The following STYXL1 variants were observed in gnomAD, a reference collection of about 807,000 sequenced individuals.
STYXL1 encodes the protein serine/threonine/tyrosine-interacting-like protein 1.
Under a neutral mutation model 36.4 loss-of-function variants are expected in STYXL1, and 32 were observed. That is an observed-to-expected ratio of 0.88 (90% CI 0.66 to 1.18). The LOEUF (loss-of-function observed/expected upper bound fraction) is 1.18. Among genes scored for constraint, STYXL1 ranks in the 50% most tolerant of loss-of-function variants. The pLI is 0.00. For missense variants in STYXL1, 354 were observed against 394.1 expected, an observed-to-expected ratio of 0.90 and a Z score of 0.86; for synonymous variants, 133 against 144.1, an observed-to-expected ratio of 0.92 and a Z score of 0.55.
At chr7:76,008,424 C>G (rs886452988) in intron 5 of STYXL1, among the ~76,000 whole-genome samples, 1 of 152,050 alleles carries the variant, frequency 6.6e-6, no homozygotes, top group Non-Finnish European at 1.5e-5. Context: ...GGACCTCAGG[C>G]GTGTGGGTCC....
intron 4 of STYXL1, among the ~76,000 whole-genome samples, chr7:76,018,582 G>T (rs1793676488): frequency 6.6e-6 from 1 of 152,030 alleles, no homozygotes; most frequent in Non-Finnish European, 1.5e-5. Flanking sequence ...ATAGAGATGG[G>T]GTTTCACCAC....
At chr7:76,014,254 C>T (rs999644554) in intron 4 of STYXL1, among the ~76,000 whole-genome samples, 5 of 151,890 alleles carry the variant, frequency 3.3e-5, no homozygotes, top group South Asian at 2.1e-4. Context: ...AGATTACAGG[C>T]GTGAGCCACC....
At chr7:76,024,981 G>A (rs1179079776) in intron 3 of STYXL1, among the ~76,000 whole-genome samples, 16 of 143,638 alleles carry the variant, frequency 1.1e-4, no homozygotes, top group Middle Eastern at 4.2e-3. Context: ...TCAACAGTAC[G>A]ACATATTCTG....
intron 3 of STYXL1, among the ~76,000 whole-genome samples, chr7:76,024,315 A>G (rs1449333030): frequency 6.6e-6 from 1 of 152,108 alleles, no homozygotes; most frequent in Non-Finnish European, 1.5e-5. Flanking sequence ...AAAAGACACT[A>G]CCATATTAAA....
chr7:76,041,995 G>A (rs937484638), intron 1 of STYXL1, among the ~76,000 whole-genome samples: 4 of 152,174 alleles, frequency 2.6e-5, no homozygotes, highest in South Asian at 2.1e-4. Context: ...TATGAAAACC[G>A]TAGATCAATA....
chr7:76,022,013 C>A (rs1554576434), intron 3 of STYXL1, 21 bp from the exon 4 acceptor site: 2 of 1,596,218 alleles, frequency 1.3e-6, no homozygotes, highest in Non-Finnish European at 1.7e-6. Context: ...AAAACACACA[C>A]ACACAAGAGA....
intron 7 of STYXL1, among the ~76,000 whole-genome samples, chr7:76,001,783 C>T (rs1790961410): frequency 6.9e-6 from 1 of 144,832 alleles, no homozygotes; most frequent in Admixed American, 7.2e-5. Context: ...GCATGAGCCA[C>T]TGCGCCTGAT....
At chr7:76,042,320 C>T (rs1796541586) in intron 1 of STYXL1, among the ~76,000 whole-genome samples, 1 of 146,000 alleles carries the variant, frequency 6.8e-6, no homozygotes, top group South Asian at 2.2e-4. Flanking sequence ...CTATTCTTGC[C>T]TGGGAAAGTT....
intron 6 of STYXL1, among the ~76,000 whole-genome samples, chr7:76,004,814 A>G (rs1331829851): frequency 6.6e-6 from 1 of 152,110 alleles, no homozygotes; most frequent in African/African-American, 2.4e-5. Context: ...ATCCTGGCTA[A>G]CACGGTGAAA....
At position 75,996,349 on chromosome 7, in the gene STYXL1, TTCAG is replaced by T; in HGVS notation, c.*115_*118del. ...CAGTACAGGAGGCTAACATGAGACT[TTCAG>T]GCAGCAAAGGCCTTCTCCTTCCAGA... On this transcript the variant is annotated 3_prime_UTR_variant, in exon 9 of 9. Transcript: ENST00000359697. 1 of 1,589,880 alleles carries T rather than the reference TTCAG, an allele frequency of 6.3e-7. No homozygotes were observed. Among genetic ancestry groups the T allele is most frequent in the Non-Finnish European group, 8.5e-7 (1 of 1,169,818 alleles).
intron 3 of STYXL1, among the ~76,000 whole-genome samples, chr7:76,024,018 C>T (rs1554576988): frequency 1.3e-5 from 2 of 151,978 alleles, no homozygotes; most frequent in African/African-American, 2.4e-5. Flanking sequence ...CTCAAAACAA[C>T]AAGAACACCA....
At chr7:76,037,768 T>C (rs1554581053) in intron 1 of STYXL1, among the ~76,000 whole-genome samples, 3 of 149,830 alleles carry the variant, frequency 2.0e-5, no homozygotes, top group African/African-American at 7.3e-5. Context: ...CAACACTTGA[T>C]GATCCTGGAG....
intron 1 of STYXL1, chr7:76,045,425 A>C (rs1191449347): frequency 6.6e-6 from 1 of 152,254 alleles, no homozygotes; most frequent in Non-Finnish European, 1.5e-5. Flanking sequence ...GGCCAGGTGC[A>C]GTGGCTCACG....
intron 5 of STYXL1, among the ~76,000 whole-genome samples, chr7:76,012,044 A>G (rs1405690100): frequency 6.6e-6 from 1 of 152,114 alleles, no homozygotes; most frequent in Non-Finnish European, 1.5e-5. Context: ...TCACGCCTCT[A>G]ATCCCAGCAC....
chr7:76,045,826 C>T (rs572346712), intron 1 of STYXL1: 1 of 152,186 alleles, frequency 6.6e-6, no homozygotes, highest in Non-Finnish European at 1.5e-5. Flanking sequence ...CCTAAAACCA[C>T]TCAACTCTCC....
chr7:76,031,331 CAAAAAAAAAA>C lies in STYXL1; in HGVS notation c.-4-814_-4-805del, dbSNP rs60550486. On this transcript the variant is annotated intron_variant, in intron 1 of 8. Coordinates refer to ENST00000359697, the MANE Select transcript of STYXL1 (RefSeq NM_001317785.2). ...GGGGGACAGAGTGAGACTCTGTCTC[CAAAAAAAAAA>C]AAAAAAAAAAAAAAAAAGTAATATA... 4.0e-4 allele frequency among the ~76,000 whole-genome samples: 17 copies of C among 42,312 alleles called. No individual in the cohort carries two copies. The East Asian group carries it at 5.3e-3, about 13-fold the overall frequency. 27.8% of individuals were successfully genotyped at this position (42,312 alleles called of 152,430 possible).
intron 4 of STYXL1, among the ~76,000 whole-genome samples, chr7:76,019,788 G>C (rs1369681136): frequency 3.3e-5 from 5 of 151,910 alleles, no homozygotes; most frequent in African/African-American, 1.2e-4. Flanking sequence ...ACCCCACAGG[G>C]CCTGGCTCAG....
intron 5 of STYXL1, among the ~76,000 whole-genome samples, chr7:76,008,452 T>C (rs1244498381): frequency 6.6e-6 from 1 of 152,042 alleles, no homozygotes; most frequent in Non-Finnish European, 1.5e-5. Context: ...CCACCTGAAC[T>C]CAGCACATCT....
intron 5 of STYXL1, among the ~76,000 whole-genome samples, chr7:76,005,617 G>A (rs1554569922): frequency 6.6e-6 from 1 of 152,148 alleles, no homozygotes; most frequent in African/African-American, 2.4e-5. Context: ...GCCTCATCGT[G>A]CAGAGCGCTG....
Sources: gnomAD v4.1 joint callset for allele counts (sites outside exome capture counted in the v4.1 genomes callset) on GRCh38, gnomAD v4.1.1 for gene constraint, MANE v1.5 for transcripts, NCBI Gene and HGNC (gene_info 2026-07-23, HGNC 2026-07-21) for gene names.